Variants in WDR26 observed in about 807,000 individuals in gnomAD.
WDR26 encodes the protein WD repeat-containing protein 26.
Under a neutral mutation model 84.1 loss-of-function variants are expected in WDR26, and 5 were observed. The observed-to-expected ratio is 0.06, with a 90% CI of 0.03 to 0.13. WDR26 has a LOEUF of 0.13. Ranked by LOEUF, WDR26 falls within the 10% of genes least tolerant of loss-of-function variation. The probability of loss-of-function intolerance (pLI) is 1.00; values close to 1 mark genes in which losing one functional copy is unlikely to be tolerated. For synonymous variants in WDR26, 415 were observed against 389.6 expected (o/e 1.07, Z -0.77); for missense variants, 642 against 974.9 (o/e 0.66, Z 4.55).
At chr1:224,411,086 C>T (rs947981972) in intron 7 of WDR26, among the ~76,000 whole-genome samples, 1 of 152,154 alleles carries the variant, frequency 6.6e-6, no homozygotes, top group African/African-American at 2.4e-5. Flanking sequence ...TTGAGTCAAA[C>T]TTTGTCACGT....
chr1:224,431,438 T>A, intron 3 of WDR26, 39 bp downstream of exon 3: 1 of 1,577,770 alleles, frequency 6.3e-7, no homozygotes. Context: ...CCTACTAAAA[T>A]AAGCATAAAT....
At chr1:224,432,557 C>T (rs1674422582) in intron 1 of WDR26, among the ~76,000 whole-genome samples, 2 of 152,132 alleles carry the variant, frequency 1.3e-5, no homozygotes, top group Admixed American at 6.6e-5. Flanking sequence ...ATTTTTTGTG[C>T]TTATGTTTCA....
At chr1:224,390,989 T>C (rs1200989979) in intron 13 of WDR26, among the ~76,000 whole-genome samples, 1 of 152,126 alleles carries the variant, frequency 6.6e-6, no homozygotes, top group African/African-American at 2.4e-5. Context: ...ATATGTGGTC[T>C]TGTGTCCTGC....
chr1:224,412,817 TA>T (rs1331503605), intron 6 of WDR26: 2 of 152,350 alleles, frequency 1.3e-5, no homozygotes, highest in African/African-American at 4.8e-5. Flanking sequence ...CATTTGAATT[TA>T]AATGGACACA....
intron 1 of WDR26, 143 bp downstream of exon 1, chr1:224,433,541 G>T: frequency 8.5e-7 from 1 of 1,182,836 alleles, no homozygotes; most frequent in Non-Finnish European, 1.1e-6. Flanking sequence ...GTCCTCCTGT[G>T]TACTGGGTCC....
intron 5 of WDR26, among the ~76,000 whole-genome samples, chr1:224,419,135 G>T (rs369062324): frequency 6.6e-6 from 1 of 152,056 alleles, no homozygotes; most frequent in Admixed American, 6.5e-5. Context: ...ACATGGTTGG[G>T]GAAGAATAAA....
intron 5 of WDR26, among the ~76,000 whole-genome samples, chr1:224,419,248 CA>C (rs2102913743): frequency 6.6e-6 from 1 of 152,236 alleles, no homozygotes; most frequent in Non-Finnish European, 1.5e-5. Flanking sequence ...TCTCTTAACA[CA>C]GTACTTTTCC....
At chr1:224,391,140 C>T (rs1202331254) in intron 13 of WDR26, among the ~76,000 whole-genome samples, 4 of 150,922 alleles carry the variant, frequency 2.7e-5, no homozygotes, top group Admixed American at 6.6e-5. Context: ...CAAGACAGGC[C>T]GACTTCACCT....
chr1:224,420,113 A>AT, intron 4 of WDR26, among the ~76,000 whole-genome samples: 1 of 152,218 alleles, frequency 6.6e-6, no homozygotes, highest in Non-Finnish European at 1.5e-5. Flanking sequence ...CTCAAAGAAC[A>AT]TATCTTCAAG....
At chr1:224,428,041 G>C (rs1674281467) in intron 3 of WDR26, among the ~76,000 whole-genome samples, 1 of 151,762 alleles carries the variant, frequency 6.6e-6, no homozygotes, top group Non-Finnish European at 1.5e-5. Flanking sequence ...ATTATTTCTG[G>C]TCTCTAATGA....
At chr1:224,399,801 T>C (rs1476797926) in intron 9 of WDR26, among the ~76,000 whole-genome samples, 1 of 152,192 alleles carries the variant, frequency 6.6e-6, no homozygotes, top group Non-Finnish European at 1.5e-5. Context: ...TATTATCTTG[T>C]TTTAGTTTAA....
intron 9 of WDR26, 63 bp from the exon 10 acceptor site, chr1:224,399,097 A>C: frequency 2.2e-6 from 3 of 1,390,246 alleles, no homozygotes; most frequent in Admixed American, 2.7e-5. Flanking sequence ...CAAATAAAGA[A>C]CCAAAAGACT....
At chr1:224,412,399 A>T (rs1044786113) in intron 6 of WDR26, among the ~76,000 whole-genome samples, 20 of 152,162 alleles carry the variant, frequency 1.3e-4, no homozygotes, top group African/African-American at 4.8e-4. Flanking sequence ...TCTAAATCTC[A>T]ATTTTTCCAA....
intron 1 of WDR26, among the ~76,000 whole-genome samples, chr1:224,432,596 A>G (rs1674423740): frequency 6.6e-6 from 1 of 152,184 alleles, no homozygotes; most frequent in Non-Finnish European, 1.5e-5. Flanking sequence ...TTAAAACTTA[A>G]TTTTTAGCTA....
At position 224,427,148 on chromosome 1, in the gene WDR26, A is replaced by G. The variant is rs1674254642; in HGVS notation, c.928-2494T>C. ...AAAAAGTTTCATTCCATTTTGTGGT[A>G]TTTTTTAAATTCAAACTTGAAAATC... On this transcript the variant is annotated intron_variant, in intron 3 of 13. Coordinates refer to ENST00000414423, the MANE Select transcript of WDR26 (RefSeq NM_001379403.1). 2.9e-5 allele frequency among the ~76,000 whole-genome samples: 4 copies of G among 140,196 alleles called. No individual in the cohort carries two copies. In the South Asian group the frequency reaches 8.9e-4, roughly 31 times the overall value. The allele number at this position is 140,196 out of a possible 152,430, so 92.0% of individuals were successfully genotyped here.
chr1:224,398,861 T>C (rs776375971), intron 10 of WDR26, 28 bp downstream of exon 10: 6 of 1,610,864 alleles, frequency 3.7e-6, no homozygotes, highest in Non-Finnish European at 5.1e-6. Context: ...CAGGTAATTG[T>C]TGTTTAATGG....
chr1:224,433,622 A>G, intron 1 of WDR26, 62 bp downstream of exon 1: 3 of 852,366 alleles, frequency 3.5e-6, no homozygotes, highest in Non-Finnish European at 4.3e-6. Flanking sequence ...CCCTTCCCCT[A>G]CCCCCCTGGA....
At chr1:224,403,276 T>C (rs570487467) in intron 8 of WDR26, among the ~76,000 whole-genome samples, 2 of 152,148 alleles carry the variant, frequency 1.3e-5, no homozygotes, top group Non-Finnish European at 2.9e-5. Flanking sequence ...GGTCTTGAAC[T>C]CCTGACCTCG....
rs1158264938 is a variant in WDR26, at chr1:224,407,122, T to TAA, written c.1459-2554_1459-2553dup. On this transcript the variant is annotated intron_variant, in intron 7 of 13. Transcript: ENST00000414423. ...GGGCGACACAGCGAGACTCTGTCTT[T>TAA]AAAAAAAAAAAAAAAAAAAAAAAAA... 1.7e-3 allele frequency among the ~76,000 whole-genome samples: 20 copies of TAA among 11,684 alleles called. 5 individuals are homozygous for TAA. The highest frequency in any genetic ancestry group is 0.029 in the East Asian group (2 of 70). The allele number at this position is 11,684 out of a possible 152,430, so 7.7% of individuals were successfully genotyped here. A position where few individuals can be genotyped will look rare whatever the true frequency, so the allele number is the denominator to read the frequency against.
Sources: allele counts gnomAD v4.1 joint callset (sites outside exome capture counted in the v4.1 genomes callset), GRCh38; gene constraint gnomAD v4.1.1; transcripts MANE v1.5; gene names NCBI Gene and HGNC (gene_info 2026-07-23, HGNC 2026-07-21).